Variants in PDE11A observed in about 807,000 individuals in gnomAD.
PDE11A encodes phosphodiesterase 11A, also known as dual 3',5'-cyclic-AMP and -GMP phosphodiesterase 11A.
PDE11A carries 100 observed loss-of-function variants against 100.5 expected under a neutral mutation model. That is an observed-to-expected ratio of 1.00 (90% CI 0.85 to 1.18). PDE11A has a LOEUF of 1.18. Among genes scored for constraint, PDE11A ranks in the 50% most tolerant of loss-of-function variants. The pLI is 0.00. For missense variants in PDE11A, 1,141 were observed against 1,152.6 expected, an observed-to-expected ratio of 0.99 and a Z score of 0.15; for synonymous variants, 381 against 420.8, an observed-to-expected ratio of 0.91 and a Z score of 1.16.
intron 8 of PDE11A, among the ~76,000 whole-genome samples, chr2:177,817,602 T>G (rs3821008): frequency 0.016 from 2,499 of 152,096 alleles, 66 homozygotes; most frequent in African/African-American, 0.057. Context: ...AAAATAGCAC[T>G]TTGGGGAAAA....
At chr2:178,012,306 A>G (rs753706928) in intron 2 of PDE11A, among the ~76,000 whole-genome samples, 4 of 152,212 alleles carry the variant, frequency 2.6e-5, no homozygotes, top group Admixed American at 6.6e-5. Context: ...AATCTAAGAA[A>G]AAGTTGCTTG....
chr2:177,660,109 C>CTT (rs1455137667), intron 19 of PDE11A, among the ~76,000 whole-genome samples: 8 of 93,022 alleles, frequency 8.6e-5, no homozygotes, highest in African/African-American at 2.9e-4. Flanking sequence ...CTCTCTCTCT[C>CTT]TCTTTCTTTC....
chr2:178,085,008 A>T (rs2087331377), intron 2 of PDE11A, among the ~76,000 whole-genome samples: 1 of 152,216 alleles, frequency 6.6e-6, no homozygotes. Flanking sequence ...ACAAGTGGGA[A>T]TGTCCATATA....
At chr2:177,908,103 A>G (rs2084819418) in intron 2 of PDE11A, among the ~76,000 whole-genome samples, 1 of 152,202 alleles carries the variant, frequency 6.6e-6, no homozygotes, top group Non-Finnish European at 1.5e-5. Flanking sequence ...CCTAACCCTA[A>G]GATCTACCTT....
At chr2:177,683,604 C>T (rs924840003) in intron 15 of PDE11A, 41 of 152,316 alleles carry the variant, frequency 2.7e-4, no homozygotes, top group African/African-American at 7.2e-4. Flanking sequence ...ACCTGGGATT[C>T]AGTCTGTGAG....
chr2:177,817,186 C>A (rs1455751927), intron 8 of PDE11A, among the ~76,000 whole-genome samples: 3 of 152,180 alleles, frequency 2.0e-5, no homozygotes, highest in Non-Finnish European at 4.4e-5. Context: ...TACTTACACT[C>A]TGTTTAAGTG....
intron 6 of PDE11A, among the ~76,000 whole-genome samples, chr2:177,821,549 T>G (rs546072551): frequency 6.6e-6 from 1 of 151,860 alleles, no homozygotes; most frequent in East Asian, 1.9e-4. Flanking sequence ...TTAAAGTTTT[T>G]GCAAAGTACT....
At chr2:177,965,447 C>T (rs1373089320) in intron 2 of PDE11A, among the ~76,000 whole-genome samples, 2 of 152,050 alleles carry the variant, frequency 1.3e-5, no homozygotes, top group South Asian at 2.1e-4. Context: ...GATCTATGTC[C>T]GGAATAGTGT....
intron 6 of PDE11A, among the ~76,000 whole-genome samples, chr2:177,826,429 G>T (rs1443752091): frequency 6.6e-6 from 1 of 152,212 alleles, no homozygotes; most frequent in African/African-American, 2.4e-5. Flanking sequence ...TCTCCCCAAA[G>T]ATAATCTAGT....
chr2:177,852,783 G>C (rs985907767), intron 5 of PDE11A, among the ~76,000 whole-genome samples: 1 of 152,080 alleles, frequency 6.6e-6, no homozygotes, highest in Non-Finnish European at 1.5e-5. Context: ...CTTACCCTGT[G>C]GTAGGAAAAG....
chr2:177,782,819 C>T (rs963144595), intron 9 of PDE11A, among the ~76,000 whole-genome samples: 32 of 152,008 alleles, frequency 2.1e-4, no homozygotes, highest in African/African-American at 6.5e-4. Context: ...CTCTTTCTCT[C>T]CCTTTCTTTT....
intron 5 of PDE11A, among the ~76,000 whole-genome samples, chr2:177,853,342 T>C (rs989313788): frequency 1.3e-5 from 2 of 152,018 alleles, no homozygotes; most frequent in Non-Finnish European, 2.9e-5. Flanking sequence ...CGGCTCTTTA[T>C]ATCACAAAGA....
At chr2:177,913,153 G>C (rs1032368453) in intron 2 of PDE11A, among the ~76,000 whole-genome samples, 1 of 152,118 alleles carries the variant, frequency 6.6e-6, no homozygotes, top group Non-Finnish European at 1.5e-5. Context: ...TAAATACTCT[G>C]TTCATGGTAT....
chr2:177,652,132 A>G (rs2080320507), intron 19 of PDE11A, among the ~76,000 whole-genome samples: 1 of 152,160 alleles, frequency 6.6e-6, no homozygotes, highest in Admixed American at 6.5e-5. Context: ...CAACACACAC[A>G]CACTGCTGCT....
intron 5 of PDE11A, among the ~76,000 whole-genome samples, chr2:177,845,902 C>T (rs892355110): frequency 1.2e-4 from 17 of 147,110 alleles, no homozygotes; most frequent in African/African-American, 2.0e-4. Flanking sequence ...TGCCTGCAAT[C>T]GCAGGCACTC....
At chr2:177,727,044 C>T (rs545991052) in intron 12 of PDE11A, among the ~76,000 whole-genome samples, 25 of 152,150 alleles carry the variant, frequency 1.6e-4, no homozygotes, top group African/African-American at 5.5e-4. Flanking sequence ...CAAACATTTG[C>T]TTTGAGATTA....
At chr2:177,907,158 C>A (rs966801111) in intron 2 of PDE11A, among the ~76,000 whole-genome samples, 1 of 151,826 alleles carries the variant, frequency 6.6e-6, no homozygotes, top group Non-Finnish European at 1.5e-5. Context: ...TAAAAAGAAT[C>A]TGAATTTTAA....
intron 12 of PDE11A, among the ~76,000 whole-genome samples, chr2:177,714,132 T>C (rs2081400771): frequency 6.6e-6 from 1 of 151,604 alleles, no homozygotes; most frequent in Non-Finnish European, 1.5e-5. Flanking sequence ...TAGCTGGGAC[T>C]ACAGGTGCCC....
chr2:177,684,820 A>G (rs2080919330), intron 15 of PDE11A, among the ~76,000 whole-genome samples: 1 of 152,224 alleles, frequency 6.6e-6, no homozygotes, highest in South Asian at 2.1e-4. Context: ...AAGGTTTCAC[A>G]GATGGTGAGT....
Sources: allele counts gnomAD v4.1 joint callset (sites outside exome capture counted in the v4.1 genomes callset), GRCh38; gene constraint gnomAD v4.1.1; transcripts MANE v1.5; gene names NCBI Gene and HGNC (gene_info 2026-07-23, HGNC 2026-07-21).